IGF2BP2: variants seen among roughly 807,000 people sequenced by gnomAD.
IGF2BP2 encodes the protein insulin-like growth factor 2 mRNA-binding protein 2.
Under a neutral mutation model 75.8 loss-of-function variants are expected in IGF2BP2, and 17 were observed. The observed-to-expected ratio is 0.22, with a 90% confidence interval of 0.15 to 0.34. The LOEUF (loss-of-function observed/expected upper bound fraction) is 0.34. Among genes scored for constraint, IGF2BP2 ranks in the 10% least tolerant of loss-of-function variants. The pLI is 1.00. For missense variants in IGF2BP2, 516 were observed against 772.4 expected (o/e 0.67, Z 3.93); for synonymous variants, 288 against 295.6 (o/e 0.97, Z 0.26).
At chr3:185,759,573 T>C (rs1278090951) in intron 2 of IGF2BP2, among the ~76,000 whole-genome samples, 1 of 152,182 alleles carries the variant, frequency 6.6e-6, no homozygotes. Context: ...TGCCTTTCTG[T>C]TAAGAGTGGC....
chr3:185,663,390 C>T (rs1192760719), intron 10 of IGF2BP2, among the ~76,000 whole-genome samples: 1 of 152,240 alleles, frequency 6.6e-6, no homozygotes, highest in African/African-American at 2.4e-5. Flanking sequence ...TTGTTATCCA[C>T]AGGCTTGTTT....
chr3:185,797,612 G>A (rs1169259748), intron 2 of IGF2BP2, among the ~76,000 whole-genome samples: 1 of 152,146 alleles, frequency 6.6e-6, no homozygotes, highest in Admixed American at 6.6e-5. Context: ...ACTTAAAAAT[G>A]CTTTTCACAG....
Position 185,649,482 on chromosome 3 carries a change from T to C in IGF2BP2, c.1514A>G (p.Lys505Arg). 1 of 1,614,124 alleles carries C rather than the reference T, an allele frequency of 6.2e-7. No homozygotes were observed. The highest frequency in any genetic ancestry group is 8.5e-7 in the Non-Finnish European group (1 of 1,180,008). Reference protein sequence around the residue: ...KLKEENFFNPKEEVKLEAHIR... With the variant: ...KLKEENFFNPREEVKLEAHIR... ...ATGCGCTTCCAGCTTCACTTCTTCT[T>C]TGGGGTTAAAGAAGTTTTCCTCTTT... Residue 505 changes from lysine (K) to arginine (R), a missense_variant, in exon 14 of 16, where the codon AAA becomes AGA. By Grantham distance (26) the Lys-to-Arg change is conservative. Around this residue, in one of 3 missense-constraint regions of IGF2BP2, gnomAD observed 129 missense variants for 230.5 expected, o/e 0.56. Transcript: ENST00000382199.
intron 2 of IGF2BP2, among the ~76,000 whole-genome samples, chr3:185,771,363 C>T (rs1733848359): frequency 3.7e-4 from 1 of 2,712 alleles, no homozygotes; most frequent in African/African-American, 1.2e-3. Context: ...ATCACGTGAA[C>T]CTGGGAGGTG....
intron 4 of IGF2BP2, 62 bp from the exon 5 acceptor site, chr3:185,692,824 G>GT: frequency 6.9e-7 from 1 of 1,446,058 alleles, no homozygotes. Context: ...CTGGCTTAAT[G>GT]TAAACAGACA....
At chr3:185,706,437 G>A (rs1346453622) in intron 2 of IGF2BP2, among the ~76,000 whole-genome samples, 2 of 152,120 alleles carry the variant, frequency 1.3e-5, no homozygotes, top group Non-Finnish European at 2.9e-5. Flanking sequence ...GAAGTGGAAG[G>A]AGAAAAGTCA....
Position 185,696,634 on chromosome 3 carries a change from C to T in IGF2BP2, c.318G>A (p.Gly106=). Residue 106 remains glycine, a synonymous_variant, in exon 4 of 16, where the codon GGG becomes GGA. Coordinates refer to ENST00000382199, the MANE Select transcript of IGF2BP2 (RefSeq NM_006548.6). ...TACCTTGTTCCACATTCTCCACTGT[C>T]CCATATTGAGCCAAAAGTCCATCCA... ...EVLDGLLAQY[G]TVENVEQVNT... 1 of 1,613,862 alleles carries T rather than the reference C, an allele frequency of 6.2e-7. No homozygotes were observed. Among genetic ancestry groups the T allele is most frequent in the South Asian group, 1.1e-5 (1 of 91,060 alleles).
chr3:185,686,849 T>C (rs1382405350), intron 7 of IGF2BP2, among the ~76,000 whole-genome samples: 1 of 151,904 alleles, frequency 6.6e-6, no homozygotes, highest in East Asian at 1.9e-4. Flanking sequence ...CCGAGAGACA[T>C]GCAAGTGAAG....
chr3:185,705,614 C>G (rs1441213549), intron 2 of IGF2BP2, among the ~76,000 whole-genome samples: 1 of 151,944 alleles, frequency 6.6e-6, no homozygotes, highest in Non-Finnish European at 1.5e-5. Context: ...GTTTGGACTA[C>G]TATAACAAAA....
chr3:185,694,297 A>G (rs1722306668), intron 4 of IGF2BP2, among the ~76,000 whole-genome samples: 1 of 152,240 alleles, frequency 6.6e-6, no homozygotes, highest in Admixed American at 6.5e-5. Flanking sequence ...TTCTAGTGCT[A>G]CAGATAAGGC....
chr3:185,716,529 T>C (rs1226599017), intron 2 of IGF2BP2: 1 of 520,180 alleles, frequency 1.9e-6, no homozygotes, highest in East Asian at 5.4e-5. Flanking sequence ...TGCTTTATCC[T>C]GTAGCCCTCC....
intron 2 of IGF2BP2, among the ~76,000 whole-genome samples, chr3:185,768,514 T>C (rs1733404918): frequency 6.6e-6 from 1 of 152,196 alleles, no homozygotes; most frequent in African/African-American, 2.4e-5. Flanking sequence ...AAAAGGTCCT[T>C]TAATACTACT....
At chr3:185,768,520 CTACT>C (rs1733406577) in intron 2 of IGF2BP2, among the ~76,000 whole-genome samples, 2 of 152,078 alleles carry the variant, frequency 1.3e-5, no homozygotes, top group South Asian at 2.1e-4. Flanking sequence ...TCCTTTAATA[CTACT>C]TAAATATTTA....
At position 185,790,225 on chromosome 3, in the gene IGF2BP2, C is replaced by T. The variant is rs992953911; in HGVS notation, c.239+32928G>A. 3.3e-5 allele frequency among the ~76,000 whole-genome samples: 5 copies of T among 152,240 alleles called. No homozygotes were observed. The South Asian group carries it at 6.2e-4, about 19-fold the overall frequency. Reference sequence around the variant, plus strand: ...CTTTGCTACCAGGTGTGCTCAAATCCCTTAAACAGGCAGATCTGACATAAA... The same window carrying T: ...CTTTGCTACCAGGTGTGCTCAAATCTCTTAAACAGGCAGATCTGACATAAA... On this transcript the variant is annotated intron_variant, in intron 2 of 15. Transcript: ENST00000382199.
At chr3:185,723,870 A>T (rs1430178030) in intron 2 of IGF2BP2, among the ~76,000 whole-genome samples, 1 of 152,196 alleles carries the variant, frequency 6.6e-6, no homozygotes, top group African/African-American at 2.4e-5. Context: ...CATCCAAGTA[A>T]AGAAGAGGAC....
chr3:185,813,189 G>C (rs1330171777), intron 2 of IGF2BP2, among the ~76,000 whole-genome samples: 1 of 152,054 alleles, frequency 6.6e-6, no homozygotes, highest in Non-Finnish European at 1.5e-5. Context: ...AAATAATTGA[G>C]TAACCAGTAC....
chr3:185,682,200 C>T (rs538881499), intron 7 of IGF2BP2, among the ~76,000 whole-genome samples: 85 of 152,302 alleles, frequency 5.6e-4, no homozygotes, highest in African/African-American at 1.9e-3. Context: ...CCCCTCAAAA[C>T]TCATGTTGAA....
At chr3:185,727,275 T>A (rs1166788743) in intron 2 of IGF2BP2, among the ~76,000 whole-genome samples, 2 of 148,648 alleles carry the variant, frequency 1.3e-5, no homozygotes, top group African/African-American at 5.0e-5. Flanking sequence ...GCAATGGAGA[T>A]CGTTAAGAAC....
chr3:185,760,474 T>C (rs923047367), intron 2 of IGF2BP2, among the ~76,000 whole-genome samples: 2 of 152,190 alleles, frequency 1.3e-5, no homozygotes, highest in African/African-American at 2.4e-5. Context: ...TGTGCAGTGA[T>C]CCCCACTATT....
Sources: gnomAD v4.1 joint callset for allele counts (sites outside exome capture counted in the v4.1 genomes callset) on GRCh38, gnomAD v4.1.1 for gene constraint, gnomAD v4.1.1 regional missense constraint, MANE v1.5 for transcripts, NCBI Gene and HGNC (gene_info 2026-07-23, HGNC 2026-07-21) for gene names.